Variants in FHIT observed in about 807,000 individuals in gnomAD.
FHIT encodes the protein fragile histidine triad diadenosine triphosphatase, also known as bis(5'-adenosyl)-triphosphatase.
FHIT carries 19 observed loss-of-function variants against 17.9 expected under a neutral mutation model. That is an observed-to-expected ratio of 1.06 (90% confidence interval 0.74 to 1.56). The LOEUF (loss-of-function observed/expected upper bound fraction) is 1.56. Ranked by LOEUF, FHIT falls within the 40% of genes most tolerant of loss-of-function variation. The pLI is 0.00. For missense variants in FHIT, 248 were observed against 189.2 expected (o/e 1.31, Z -1.82); for synonymous variants, 81 against 69.7 (o/e 1.16, Z -0.81).
intron 4 of FHIT, among the ~76,000 whole-genome samples, chr3:60,766,203 A>T (rs965478660): frequency 6.6e-6 from 1 of 152,178 alleles, no homozygotes; most frequent in Non-Finnish European, 1.5e-5. Flanking sequence ...TGGACACATG[A>T]AAAATTATTA....
At chr3:60,535,158 A>T (rs1427302828) in intron 5 of FHIT, among the ~76,000 whole-genome samples, 2 of 152,194 alleles carry the variant, frequency 1.3e-5, no homozygotes, top group African/African-American at 2.4e-5. Context: ...CGGGAGGCAG[A>T]GATTGTACTG....
intron 5 of FHIT, among the ~76,000 whole-genome samples, chr3:60,066,630 ATTTTTTTTTTTTTTTTTTTTTTTTTTTT>A (rs71089574): frequency 2.1e-3 from 108 of 51,436 alleles, no homozygotes; most frequent in Admixed American, 6.4e-3. Context: ...TCCCTGACAA[ATTTTTTTTTTTTTTTTTTTTTTTTTTTT>A]TTTTTTTTTT....
intron 5 of FHIT, among the ~76,000 whole-genome samples, chr3:60,208,060 A>G (rs1459950578): frequency 6.6e-6 from 1 of 152,190 alleles, no homozygotes; most frequent in East Asian, 1.9e-4. Flanking sequence ...CTTTTATTAG[A>G]AACACTTTAC....
intron 4 of FHIT, among the ~76,000 whole-genome samples, chr3:60,580,645 A>G (rs540884574): frequency 6.6e-6 from 1 of 152,230 alleles, no homozygotes; most frequent in South Asian, 2.1e-4. Flanking sequence ...GTACAGCATC[A>G]CTGAACTGGG....
At chr3:60,224,743 T>C (rs1276864203) in intron 5 of FHIT, among the ~76,000 whole-genome samples, 2 of 143,080 alleles carry the variant, frequency 1.4e-5, no homozygotes, top group Non-Finnish European at 3.1e-5. Context: ...TTTTATTTTA[T>C]TTGACAGGGT....
intron 5 of FHIT, among the ~76,000 whole-genome samples, chr3:60,186,814 TG>T (rs1255259121): frequency 1.5e-5 from 2 of 134,040 alleles, no homozygotes; most frequent in South Asian, 4.8e-4. Flanking sequence ...TTATTGTATT[TG>T]TTTTTTTTTT....
At chr3:60,028,449 T>G (rs986933921) in intron 5 of FHIT, among the ~76,000 whole-genome samples, 4 of 152,208 alleles carry the variant, frequency 2.6e-5, no homozygotes, top group Non-Finnish European at 5.9e-5. Flanking sequence ...TCACATCACT[T>G]CTTCCAAAGT....
chr3:61,209,333 C>G (rs1029484103), intron 1 of FHIT, among the ~76,000 whole-genome samples: 1 of 152,110 alleles, frequency 6.6e-6, no homozygotes, highest in Admixed American at 6.6e-5. Context: ...TTCTGGCATT[C>G]TCTGTATTTC....
At chr3:60,488,186 T>C (rs2033919571) in intron 5 of FHIT, among the ~76,000 whole-genome samples, 1 of 152,180 alleles carries the variant, frequency 6.6e-6, no homozygotes, top group African/African-American at 2.4e-5. Flanking sequence ...AGGGACCTGC[T>C]AAACAATCAC....
chr3:60,725,975 G>A lies in FHIT; in HGVS notation c.-18+95944C>T, dbSNP rs553491341. On this transcript the variant is annotated intron_variant, in intron 4 of 9. Transcript: ENST00000492590. ...AGGTCATAGAACAAGCAGGAAAACCGATTTAAAAAAATTGAGGGAAGGAAT... is the reference window on the plus strand; with the variant it reads ...AGGTCATAGAACAAGCAGGAAAACCAATTTAAAAAAATTGAGGGAAGGAAT... Among the ~76,000 whole-genome samples, 3 of 152,246 alleles carry A rather than the reference G, an allele frequency of 2.0e-5. No homozygotes were observed. The South Asian group carries it at 6.2e-4, about 32-fold the overall frequency.
intron 5 of FHIT, among the ~76,000 whole-genome samples, chr3:60,482,700 G>C (rs1401212713): frequency 5.3e-5 from 8 of 152,014 alleles, no homozygotes; most frequent in Non-Finnish European, 5.9e-5. Context: ...AAAATTTGTA[G>C]CACTAAATGC....
At chr3:60,262,775 C>G (rs1227188100) in intron 5 of FHIT, among the ~76,000 whole-genome samples, 1 of 151,500 alleles carries the variant, frequency 6.6e-6, no homozygotes, top group African/African-American at 2.4e-5. Flanking sequence ...AATCTCTTAC[C>G]TAAAGAGTTA....
At chr3:59,811,895 G>C (rs970200803) in intron 8 of FHIT, among the ~76,000 whole-genome samples, 1 of 152,166 alleles carries the variant, frequency 6.6e-6, no homozygotes, top group African/African-American at 2.4e-5. Flanking sequence ...GGTGACAAGG[G>C]GTTATGGATT....
chr3:59,814,052 A>ACAC (rs1465537993), intron 8 of FHIT, among the ~76,000 whole-genome samples: 1 of 151,572 alleles, frequency 6.6e-6, no homozygotes, highest in African/African-American at 2.4e-5. Context: ...ACATACACAC[A>ACAC]CACACACACA....
chr3:59,906,388 A>G (rs1704586093), intron 8 of FHIT, among the ~76,000 whole-genome samples: 1 of 152,250 alleles, frequency 6.6e-6, no homozygotes, highest in Admixed American at 6.5e-5. Context: ...GTGTAAATAT[A>G]TTAAAAATTT....
At chr3:59,873,053 G>A (rs1252172765) in intron 8 of FHIT, among the ~76,000 whole-genome samples, 2 of 152,220 alleles carry the variant, frequency 1.3e-5, no homozygotes, top group South Asian at 4.1e-4. Flanking sequence ...AGCTGGGTTA[G>A]AGATATTTTT....
intron 3 of FHIT, among the ~76,000 whole-genome samples, chr3:60,879,099 CCCA>C (rs1324421751): frequency 6.6e-6 from 1 of 152,172 alleles, no homozygotes; most frequent in African/African-American, 2.4e-5. Flanking sequence ...AGTTTACATT[CCCA>C]CCAACAGTGT....
intron 5 of FHIT, among the ~76,000 whole-genome samples, chr3:60,458,270 A>G (rs1405188069): frequency 2.0e-5 from 3 of 152,194 alleles, no homozygotes; most frequent in East Asian, 3.9e-4. Flanking sequence ...TGATGAGTTC[A>G]TGTCCTTTGT....
chr3:59,995,071 A>G (rs138920303), intron 7 of FHIT, among the ~76,000 whole-genome samples: 14 of 152,068 alleles, frequency 9.2e-5, no homozygotes, highest in East Asian at 5.9e-4. Flanking sequence ...TTCCCACCCA[A>G]TGAGGGTCTG....
Sources: gnomAD v4.1 joint callset for allele counts (sites outside exome capture counted in the v4.1 genomes callset) on GRCh38, gnomAD v4.1.1 for gene constraint, MANE v1.5 for transcripts, NCBI Gene and HGNC (gene_info 2026-07-23, HGNC 2026-07-21) for gene names.